Variants in SUCLG2 observed in about 807,000 individuals in gnomAD.
SUCLG2 encodes the protein succinate-CoA ligase GDP-forming subunit beta.
A neutral mutation model predicts 47.9 loss-of-function variants in SUCLG2; 42 were observed. That is an observed-to-expected ratio of 0.88 (90% CI 0.69 to 1.14). The LOEUF is 1.14. Ranked by LOEUF, SUCLG2 falls within the 50% of genes most tolerant of loss-of-function variation. The pLI is 0.00. For synonymous variants in SUCLG2, 195 were observed against 197.3 expected (o/e 0.99, Z 0.10); for missense variants, 571 against 525.9 (o/e 1.09, Z -0.84).
chr3:67,443,964 G>C (rs1418120578), intron 9 of SUCLG2, among the ~76,000 whole-genome samples: 1 of 119,074 alleles, frequency 8.4e-6, no homozygotes, highest in African/African-American at 2.9e-5. Flanking sequence ...GGAGGTGGGG[G>C]GGGGTCAGCC....
In SUCLG2 at chr3:67,449,316, A is replaced by G. The variant is rs541921417; in HGVS notation, c.1062+46482T>C. Among the ~76,000 whole-genome samples, 60 of 152,338 alleles carry G rather than the reference A, an allele frequency of 3.9e-4. No homozygotes were observed. The South Asian group carries it at 0.011, about 27-fold the overall frequency. On this transcript the variant is annotated intron_variant, in intron 9 of 10. Coordinates refer to ENST00000307227, the MANE Select transcript of SUCLG2 (RefSeq NM_003848.4). The stretch of plus-strand genomic sequence containing the variant: ...AGCTTTATCTGGGATCTTTGCTTTC[A>G]TAGGCTTGTGAAGAAAATCTGAACA...
At chr3:67,450,153 C>CGCCTTAT (rs1203064995) in intron 9 of SUCLG2, among the ~76,000 whole-genome samples, 1 of 152,136 alleles carries the variant, frequency 6.6e-6, no homozygotes, top group Non-Finnish European at 1.5e-5. Context: ...GCAATCCTCT[C>CGCCTTAT]GCCTTATCTT....
intron 9 of SUCLG2, among the ~76,000 whole-genome samples, chr3:67,448,030 A>C (rs1241329684): frequency 6.6e-6 from 1 of 152,190 alleles, no homozygotes; most frequent in Non-Finnish European, 1.5e-5. Flanking sequence ...CACCCGGCTG[A>C]GAAAATCTGT....
At chr3:67,379,907 T>C (rs1036401233) in intron 10 of SUCLG2, among the ~76,000 whole-genome samples, 2 of 152,220 alleles carry the variant, frequency 1.3e-5, no homozygotes, top group African/African-American at 4.8e-5. Context: ...TGGGATGACT[T>C]ACTGATGCTT....
In SUCLG2 at chr3:67,555,631, T is replaced by C. The variant is rs1575775207; in HGVS notation, c.227-26445A>G. On this transcript the variant is annotated intron_variant, in intron 2 of 10. Transcript: ENST00000307227. ...AGTGGTTAAAGAAATGATGAAGCCA[T>C]GTCAAAAAGGCTTAGAAATGAAAGA... 3.3e-5 allele frequency among the ~76,000 whole-genome samples: 5 copies of C among 152,164 alleles called. No individual in the cohort carries two copies. The East Asian group carries it at 5.8e-4, about 18-fold the overall frequency.
intron 9 of SUCLG2, among the ~76,000 whole-genome samples, chr3:67,476,189 TACTGGTCCATGGC>T (rs1168106218): frequency 6.6e-6 from 1 of 152,028 alleles, no homozygotes; most frequent in Non-Finnish European, 1.5e-5. Context: ...CATGGACCAG[TACTGGTCCATGGC>T]CTGTTAGGAA....
intron 2 of SUCLG2, among the ~76,000 whole-genome samples, chr3:67,566,617 T>C (rs181532912): frequency 3.9e-5 from 6 of 152,346 alleles, no homozygotes; most frequent in East Asian, 1.9e-4. Context: ...ACCGGCTTTA[T>C]GGTGGATTTT....
intron 2 of SUCLG2, among the ~76,000 whole-genome samples, chr3:67,607,924 G>A (rs1361892327): frequency 6.6e-6 from 1 of 152,092 alleles, no homozygotes; most frequent in East Asian, 1.9e-4. Flanking sequence ...GCGGAACTGT[G>A]AGTCCACTAA....
At chr3:67,390,006 A>G (rs1702345522) in intron 10 of SUCLG2, among the ~76,000 whole-genome samples, 1 of 152,216 alleles carries the variant, frequency 6.6e-6, no homozygotes, top group East Asian at 1.9e-4. Flanking sequence ...GATGTGATGG[A>G]AAAATGTTAC....
At chr3:67,395,378 C>T (rs1436583069) in intron 10 of SUCLG2, among the ~76,000 whole-genome samples, 3 of 152,142 alleles carry the variant, frequency 2.0e-5, no homozygotes, top group Non-Finnish European at 4.4e-5. Flanking sequence ...CAATCCTAGT[C>T]TCTGATAAAA....
chr3:67,513,243 A>G (rs1431113511), intron 6 of SUCLG2, among the ~76,000 whole-genome samples: 1 of 152,162 alleles, frequency 6.6e-6, no homozygotes, highest in Non-Finnish European at 1.5e-5. Flanking sequence ...TTATCCATTC[A>G]TCCACAGATA....
intron 10 of SUCLG2, among the ~76,000 whole-genome samples, chr3:67,382,577 G>A (rs910067389): frequency 2.0e-5 from 3 of 152,034 alleles, no homozygotes; most frequent in African/African-American, 7.2e-5. Context: ...TTAAGAATAG[G>A]GTTTACATTT....
At chr3:67,427,049 T>C (rs1490070178) in intron 9 of SUCLG2, among the ~76,000 whole-genome samples, 1 of 152,220 alleles carries the variant, frequency 6.6e-6, no homozygotes, top group Non-Finnish European at 1.5e-5. Flanking sequence ...CGATTGGCCT[T>C]ATACTAAGGA....
At chr3:67,392,394 A>T (rs11922584) in intron 10 of SUCLG2, among the ~76,000 whole-genome samples, 26,540 of 152,236 alleles carry the variant, frequency 0.17, 2,463 homozygotes, top group Admixed American at 0.26. Flanking sequence ...TCTAAAAAAC[A>T]CTTCTTAATG....
chr3:67,632,585 G>C (rs561752608), intron 1 of SUCLG2, among the ~76,000 whole-genome samples: 5 of 152,174 alleles, frequency 3.3e-5, no homozygotes, highest in Admixed American at 3.3e-4. Context: ...ATGGACACTG[G>C]ATCACGGACT....
intron 1 of SUCLG2, among the ~76,000 whole-genome samples, chr3:67,647,525 G>A (rs952962095): frequency 1.3e-5 from 2 of 152,236 alleles, no homozygotes; most frequent in African/African-American, 2.4e-5. Context: ...TTTGTGCTAA[G>A]CACACAGTGA....
At chr3:67,583,607 TAG>T (rs1559582501) in intron 2 of SUCLG2, among the ~76,000 whole-genome samples, 1 of 152,206 alleles carries the variant, frequency 6.6e-6, no homozygotes, top group Admixed American at 6.5e-5. Context: ...ATTTTCTGTT[TAG>T]AGTCTCACCA....
chr3:67,614,397 C>T (rs1463057330), intron 1 of SUCLG2, among the ~76,000 whole-genome samples: 1 of 151,606 alleles, frequency 6.6e-6, no homozygotes, highest in African/African-American at 2.4e-5. Flanking sequence ...CCAGCTCCTG[C>T]TATCTCCCCT....
At chr3:67,522,792 T>C (rs1454093564) in intron 4 of SUCLG2, among the ~76,000 whole-genome samples, 1 of 150,770 alleles carries the variant, frequency 6.6e-6, no homozygotes, top group African/African-American at 2.5e-5. Flanking sequence ...GCCTCCCAAG[T>C]AGCTGGGACT....
Sources: gnomAD v4.1 joint callset for allele counts (sites outside exome capture counted in the v4.1 genomes callset) on GRCh38, gnomAD v4.1.1 for gene constraint, MANE v1.5 for transcripts, NCBI Gene and HGNC (gene_info 2026-07-23, HGNC 2026-07-21) for gene names.